The following CNTNAP3 variants were observed in gnomAD, a reference collection of about 807,000 sequenced individuals.
CNTNAP3 encodes the protein contactin associated protein family member 3.
CNTNAP3 carries 36 observed loss-of-function variants against 92.1 expected under a neutral mutation model. The ratio of observed to expected loss-of-function variants is 0.39; its 90% confidence interval spans 0.30 to 0.52. CNTNAP3 has a LOEUF of 0.52. Among genes scored for constraint, CNTNAP3 ranks in the 20% least tolerant of loss-of-function variants. CNTNAP3 has a pLI of 0.76. For missense variants in CNTNAP3, 534 were observed against 1,069.6 expected, an observed-to-expected ratio of 0.50 and a Z score of 6.98; for synonymous variants, 232 against 422.3, an observed-to-expected ratio of 0.55 and a Z score of 5.53.
rs181305342 is a variant in CNTNAP3 at position 39,104,884 on chromosome 9, T to G, written c.2366-970A>C. On this transcript the variant is annotated intron_variant, in intron 15 of 23. Transcript: ENST00000297668. ...CATCACTGGTCCTGTTAGTTTCAAC[T>G]GCTTTGTAAAGTGGCATTTGTCCAC... Among the ~76,000 whole-genome samples the G allele has an allele frequency of 1.1e-4, 16 of 152,324 alleles. 1 individual carries two copies. Among genetic ancestry groups the G allele is most frequent in the Non-Finnish European group, 2.1e-4 (14 of 68,016 alleles).
At chr9:39,084,097 T>C (rs1826009460) in intron 21 of CNTNAP3, among the ~76,000 whole-genome samples, 1 of 152,032 alleles carries the variant, frequency 6.6e-6, no homozygotes, top group South Asian at 2.1e-4. Flanking sequence ...CCTATGTACC[T>C]ATTAACATGT....
intron 13 of CNTNAP3, among the ~76,000 whole-genome samples, chr9:39,127,175 A>G (rs911467953): frequency 1.3e-5 from 2 of 152,152 alleles, no homozygotes; most frequent in Non-Finnish European, 2.9e-5. Flanking sequence ...AGGTCAAAGA[A>G]TATGCTTCAA....
In CNTNAP3 at chr9:39,122,000, C is replaced by A. The variant is rs1254664609; in HGVS notation, c.2081-3741G>T. Among the ~76,000 whole-genome samples, 4 of 145,690 alleles carry A rather than the reference C, an allele frequency of 2.7e-5. No individual in the cohort carries two copies. In the South Asian group the frequency reaches 9.2e-4, roughly 34 times the overall value. The stretch of plus-strand genomic sequence containing the variant: ...GGAAGGGGAAGGAAGCTGAGAAGCA[C>A]TCTGAAGGTCACAGTCCAGGAAGAC... On this transcript the variant is annotated intron_variant, in intron 13 of 23. Transcript: ENST00000297668.
At chr9:39,098,765 T>A (rs1379282308) in intron 18 of CNTNAP3, among the ~76,000 whole-genome samples, 2 of 152,052 alleles carry the variant, frequency 1.3e-5, no homozygotes, top group Non-Finnish European at 2.9e-5. Context: ...ATCCTCAAAA[T>A]TTTTTTGAAA....
intron 13 of CNTNAP3, among the ~76,000 whole-genome samples, chr9:39,119,083 A>C (rs1430345473): frequency 6.6e-6 from 1 of 152,154 alleles, no homozygotes; most frequent in Non-Finnish European, 1.5e-5. Flanking sequence ...ACCTATCTTA[A>C]AAAAGGAAGG....
intron 15 of CNTNAP3, among the ~76,000 whole-genome samples, chr9:39,104,249 C>A (rs542549560): frequency 2.6e-5 from 4 of 151,922 alleles, no homozygotes; most frequent in Admixed American, 2.6e-4. Context: ...CTGAAGAACT[C>A]GGTAAGATGT....
chr9:39,148,513 G>A (rs1026092805), intron 10 of CNTNAP3, among the ~76,000 whole-genome samples: 1 of 150,248 alleles, frequency 6.7e-6, no homozygotes, highest in Non-Finnish European at 1.5e-5. Flanking sequence ...AGTTCTACCA[G>A]ATGCAGATAT....
chr9:39,132,922 T>A lies in CNTNAP3; in HGVS notation c.2080+10A>T. The A allele has an allele frequency of 3.2e-6, 5 of 1,540,928 alleles. No individual in the cohort carries two copies. Among genetic ancestry groups the A allele is most frequent in the Non-Finnish European group, 4.3e-6 (5 of 1,153,102 alleles). On this transcript the variant is annotated intron_variant, in intron 13 of 23. Coordinates refer to ENST00000297668, the MANE Select transcript of CNTNAP3 (RefSeq NM_033655.5). Reference sequence around the variant, plus strand: ...CGTGAACCCCTGTAGCCTCCAGGAGTGGCGCTTACCTCGTGAGTCCGGGCG... The same window carrying A: ...CGTGAACCCCTGTAGCCTCCAGGAGAGGCGCTTACCTCGTGAGTCCGGGCG...
At chr9:39,080,765 G>A (rs1394783093) in intron 21 of CNTNAP3, among the ~76,000 whole-genome samples, 1 of 134,074 alleles carries the variant, frequency 7.5e-6, no homozygotes, top group Non-Finnish European at 1.6e-5. Context: ...AGGTACAAGC[G>A]ATTCTCCTGC....
At chr9:39,116,360 T>C (rs1820859117) in intron 14 of CNTNAP3, among the ~76,000 whole-genome samples, 1 of 151,538 alleles carries the variant, frequency 6.6e-6, no homozygotes, top group Admixed American at 6.6e-5. Flanking sequence ...AGGAGCCCCT[T>C]GTGGAATGGA....
intron 16 of CNTNAP3, among the ~76,000 whole-genome samples, chr9:39,103,042 A>C (rs1242100884): frequency 6.6e-6 from 1 of 152,012 alleles, no homozygotes; most frequent in Non-Finnish European, 1.5e-5. Flanking sequence ...GGTTTCAGTA[A>C]TTTTATTTAC....
chr9:39,117,926 T>C, intron 14 of CNTNAP3, 177 bp downstream of exon 14: 2 of 1,315,812 alleles, frequency 1.5e-6, no homozygotes, highest in Non-Finnish European at 2.1e-6. Context: ...AGTAAATCTT[T>C]GGTCATAAAA....
intron 12 of CNTNAP3, among the ~76,000 whole-genome samples, chr9:39,136,130 A>AAATAATAATAAT (rs60137174): frequency 0.011 from 1,568 of 144,876 alleles, 30 homozygotes; most frequent in African/African-American, 0.034. Flanking sequence ...CTCTGTCTCA[A>AAATAATAATAAT]AATAATAATA....
intron 10 of CNTNAP3, among the ~76,000 whole-genome samples, chr9:39,149,053 G>A (rs1821775788): frequency 6.6e-6 from 1 of 152,096 alleles, no homozygotes; most frequent in Admixed American, 6.5e-5. Context: ...ATTTCATTAT[G>A]TCCTTCTGCA....
rs1460476422 is a variant in CNTNAP3 at position 39,149,952 on chromosome 9, A to C, written c.1503T>G (p.Ser501=). 6.2e-7 allele frequency: 1 copy of C among 1,611,942 alleles called. No individual in the cohort carries two copies. Among genetic ancestry groups the C allele is most frequent in the Non-Finnish European group, 8.5e-7 (1 of 1,179,804 alleles). ...ACCCTCCCAGGGGGCTTTTACATCC[A>C]GAGCCAGAGCTGTTGTCCAGGCAGC... is the stretch of plus-strand genomic sequence containing the variant. The part of the protein sequence containing the change: ...FGGCLDNSSG[S]GCKSPLGGFQ... Residue 501 remains serine (S), a synonymous_variant, in exon 10 of 24, where the codon TCT becomes TCG. Transcript: ENST00000297668.
chr9:39,133,057 C>G lies in CNTNAP3; in HGVS notation c.1955G>C (p.Arg652Pro). The G allele has an allele frequency of 1.2e-5, 19 of 1,555,738 alleles. No individual in the cohort carries two copies. The highest frequency in any genetic ancestry group is 1.6e-5 in the Non-Finnish European group (19 of 1,157,464). ...TGCGTACGCGAAGGACACAGCCGAGCGCGGGTGCCCGCTGGGGGCACCTCG... is the reference window on the plus strand; with the variant it reads ...TGCGTACGCGAAGGACACAGCCGAGGGCGGGTGCCCGCTGGGGGCACCTCG... ...TLRGAPSGHP[R>P]SAVSFAYAAG... Residue 652 changes from arginine (R) to proline (P), a missense_variant, in exon 13 of 24, where the codon CGC (arginine) becomes CCC (proline). By Grantham distance (103) the Arg-to-Pro change is moderately radical. Coordinates refer to ENST00000297668, the MANE Select transcript of CNTNAP3 (RefSeq NM_033655.5).
chr9:39,070,172 A>G lies in CNTNAP3; in HGVS notation c.*3718T>C, dbSNP rs1825609444. On this transcript the variant is annotated 3_prime_UTR_variant, in exon 24 of 24. Coordinates refer to ENST00000297668, the MANE Select transcript of CNTNAP3 (RefSeq NM_033655.5). Reference sequence around the variant, plus strand: ...TTATACATGAAGAAATTAATGTTTTATTAAAGAAAAAAGCCATCAAAATCA... The same window carrying G: ...TTATACATGAAGAAATTAATGTTTTGTTAAAGAAAAAAGCCATCAAAATCA... Among the ~76,000 whole-genome samples the G allele has an allele frequency of 8.1e-6, 1 of 123,554 alleles. No homozygotes were observed. Among genetic ancestry groups the G allele is most frequent in the Non-Finnish European group, 1.6e-5 (1 of 60,912 alleles). 81.1% of individuals were successfully genotyped at this position (123,554 alleles called of 152,430 possible). A position where few individuals can be genotyped will look rare whatever the true frequency, so the allele number is the denominator to read the frequency against.
chr9:39,124,811 C>T (rs1211979158), intron 13 of CNTNAP3, among the ~76,000 whole-genome samples: 6 of 152,104 alleles, frequency 3.9e-5, no homozygotes, highest in African/African-American at 1.4e-4. Flanking sequence ...CAATGAGATA[C>T]CATTTCACAC....
chr9:39,115,127 C>T (rs575217997), intron 14 of CNTNAP3, among the ~76,000 whole-genome samples: 50 of 151,914 alleles, frequency 3.3e-4, no homozygotes, highest in Non-Finnish European at 5.6e-4. Flanking sequence ...ATGCTTTAGA[C>T]GAGTTGCTGA....
Sources: allele counts gnomAD v4.1 joint callset (sites outside exome capture counted in the v4.1 genomes callset), GRCh38; gene constraint gnomAD v4.1.1; transcripts MANE v1.5; gene names NCBI Gene and HGNC (gene_info 2026-07-23, HGNC 2026-07-21).